TDRD12: variants seen among roughly 807,000 people sequenced by gnomAD.
TDRD12 encodes the protein putative ATP-dependent RNA helicase TDRD12.
In TDRD12, 158 loss-of-function variants were observed where a neutral mutation model predicts 133.5. The observed-to-expected ratio is 1.18, with a 90% confidence interval of 1.04 to 1.35. TDRD12 has a LOEUF of 1.35. TDRD12 is among the 40% of genes most tolerant of loss of function. The probability of loss-of-function intolerance (pLI) is 0.00; values close to 1 mark genes in which losing one functional copy is unlikely to be tolerated. For synonymous variants in TDRD12, 460 were observed against 477.9 expected, an observed-to-expected ratio of 0.96 and a Z score of 0.49; for missense variants, 1,443 against 1,321.3, an observed-to-expected ratio of 1.09 and a Z score of -1.43.
At chr19:32,754,318 A>G (rs1282530914) in intron 6 of TDRD12, among the ~76,000 whole-genome samples, 3 of 152,068 alleles carry the variant, frequency 2.0e-5, no homozygotes, top group Non-Finnish European at 4.4e-5. Flanking sequence ...AAAATACAAA[A>G]ATTAGCTAGG....
At position 32,721,771 on chromosome 19, in the gene TDRD12, G is replaced by C. The variant is rs943941234; in HGVS notation, c.24+1675G>C. Among the ~76,000 whole-genome samples, 44 of 149,082 alleles carry C rather than the reference G, an allele frequency of 3.0e-4. 1 individual carries two copies. Among genetic ancestry groups the C allele is most frequent in the Admixed American group, 2.7e-3 (41 of 14,992 alleles). On this transcript the variant is annotated intron_variant, in intron 1 of 27. Transcript: ENST00000444215. ...CACCCAGGCTGGAGTGCAGTGGCGCGATCTCAGCTCGCTGCAAGCTCCGCC... is the reference window on the plus strand; with the variant it reads ...CACCCAGGCTGGAGTGCAGTGGCGCCATCTCAGCTCGCTGCAAGCTCCGCC...
At chr19:32,793,517 A>G (rs1287703318) in intron 13 of TDRD12, among the ~76,000 whole-genome samples, 1 of 152,312 alleles carries the variant, frequency 6.6e-6, no homozygotes. Flanking sequence ...AGAGGACCTC[A>G]CAGAGCTCAT....
intron 8 of TDRD12, among the ~76,000 whole-genome samples, chr19:32,766,051 G>A (rs1483145004): frequency 6.6e-6 from 1 of 151,948 alleles, no homozygotes; most frequent in Non-Finnish European, 1.5e-5. Flanking sequence ...ATTTATTTTG[G>A]TTAATATTAG....
At chr19:32,787,226 A>G (rs1481791973) in intron 11 of TDRD12, among the ~76,000 whole-genome samples, 1 of 152,004 alleles carries the variant, frequency 6.6e-6, no homozygotes, top group Non-Finnish European at 1.5e-5. Flanking sequence ...GGTCCACCCC[A>G]CACCCTGTTT....
chr19:32,814,004 G>A (rs1050799559), intron 25 of TDRD12, among the ~76,000 whole-genome samples: 2 of 152,194 alleles, frequency 1.3e-5, no homozygotes, highest in African/African-American at 4.8e-5. Context: ...CACGTGCATT[G>A]TGTATGCGAG....
At chr19:32,720,084 C>G in exon 1 of TDRD12, 1 of 1,548,396 alleles carries the variant, frequency 6.5e-7, no homozygotes, top group South Asian at 1.2e-5. Context: ...TGCTCCAGCT[C>G]CTGGTGCTGA....
At chr19:32,779,611 C>A (rs1970703598) in intron 11 of TDRD12, among the ~76,000 whole-genome samples, 1 of 151,986 alleles carries the variant, frequency 6.6e-6, no homozygotes, top group South Asian at 2.1e-4. Flanking sequence ...AGAGAAACTG[C>A]TCTGTTTTGC....
exon 2 of TDRD12, chr19:32,731,835 C>T: frequency 1.3e-6 from 2 of 1,550,848 alleles, no homozygotes; most frequent in Non-Finnish European, 1.7e-6. Context: ...TCTACAACAG[C>T]ACGTGTCAAG....
At chr19:32,742,958 C>T (rs940176054) in intron 4 of TDRD12, 58 bp downstream of exon 4, 40 of 1,539,328 alleles carry the variant, frequency 2.6e-5, no homozygotes, top group Non-Finnish European at 3.5e-5. Context: ...ATCAAGTGCA[C>T]GATCTTTGTA....
At position 32,800,689 on chromosome 19, in the gene TDRD12, C is replaced by T. The variant is rs753292277; in HGVS notation, c.1996C>T (p.Gln666Ter). 9.1e-6 allele frequency: 14 copies of T among 1,535,498 alleles called. No individual in the cohort carries two copies. The highest frequency in any genetic ancestry group is 1.1e-5 in the Non-Finnish European group (13 of 1,146,646). Residue 666 changes from glutamine (Q) to a stop codon, truncating the protein, a stop_gained, in exon 18 of 28, where the codon CAA becomes TAA. Transcript: ENST00000444215. LOFTEE classifies it high-confidence loss of function. ...ATGTGAAAAAACTTCTTCTTTACTCCAAGCTCTTGATTTTATTCCAAGTCA... is the reference window on the plus strand; with the variant it reads ...ATGTGAAAAAACTTCTTCTTTACTCTAAGCTCTTGATTTTATTCCAAGTCA...
At chr19:32,733,570 CTGTGAACTTCA>C (rs1042481701) in intron 2 of TDRD12, among the ~76,000 whole-genome samples, 3 of 151,838 alleles carry the variant, frequency 2.0e-5, no homozygotes, top group South Asian at 2.1e-4. Flanking sequence ...AATAGGTGTA[CTGTGAACTTCA>C]TGTGAACTTC....
At chr19:32,826,692 G>A (rs1318630429) in intron 9 of TDRD12, 7 of 1,232,246 alleles carry the variant, frequency 5.7e-6, no homozygotes, top group East Asian at 3.2e-5. Flanking sequence ...GAACCCCAAC[G>A]TGGCTTTTGA....
intron 26 of TDRD12, among the ~76,000 whole-genome samples, chr19:32,817,008 C>T (rs1179517346): frequency 2.6e-5 from 4 of 152,146 alleles, no homozygotes; most frequent in Admixed American, 2.6e-4. Flanking sequence ...GGAAAACACG[C>T]ACCAAGTGTG....
chr19:32,817,812 C>G (rs7256063), intron 26 of TDRD12, among the ~76,000 whole-genome samples: 4 of 150,588 alleles, frequency 2.7e-5, no homozygotes, highest in African/African-American at 9.8e-5. Flanking sequence ...CCGGGCGTGC[C>G]TCTGTGCGCT....
exon 23 of TDRD12, chr19:32,810,110 T>C: frequency 1.3e-6 from 2 of 1,522,616 alleles, no homozygotes; most frequent in Non-Finnish European, 1.8e-6. Context: ...CTTTTTATAT[T>C]TTGAATGCAA....
intron 10 of TDRD12, 40 bp from the exon 11 acceptor site, chr19:32,777,109 T>A: frequency 7.4e-7 from 1 of 1,342,812 alleles, no homozygotes. Flanking sequence ...CCCAGGCTGC[T>A]GTTCACAAAT....
intron 9 of TDRD12, 100 bp downstream of exon 32, chr19:32,826,849 C>T: frequency 4.2e-6 from 3 of 715,820 alleles, no homozygotes; most frequent in Non-Finnish European, 5.8e-6. Context: ...GGAAGTGGAC[C>T]GTTCATGTCA....
chr19:32,782,754 A>G (rs1815137357), intron 11 of TDRD12, among the ~76,000 whole-genome samples: 1 of 152,220 alleles, frequency 6.6e-6, no homozygotes, highest in African/African-American at 2.4e-5. Flanking sequence ...TATTGGCTAC[A>G]TAAATGCCTT....
In TDRD12 at chr19:32,810,078, C is replaced by A. The variant is rs149264410; in HGVS notation, c.2653-15C>A. ...TAAGTTTGTTTCTTGGTCATGTTTA[C>A]TATATATGTTTCAGATAATACCTTT... On this transcript the variant is annotated splice_polypyrimidine_tract_variant and intron_variant, in intron 22 of 27. Transcript: ENST00000444215. The A allele has an allele frequency of 2.5e-4, 371 of 1,474,200 alleles. 1 individual carries two copies. In the East Asian group the frequency reaches 7.0e-3, roughly 28 times the overall value. 91.3% of individuals were successfully genotyped at this position (1,474,200 alleles called of 1,614,324 possible).
Sources: gnomAD v4.1 joint callset for allele counts (sites outside exome capture counted in the v4.1 genomes callset) on GRCh38, gnomAD v4.1.1 for gene constraint, MANE v1.5 for transcripts, NCBI Gene and HGNC (gene_info 2026-07-23, HGNC 2026-07-21) for gene names.